TTLL1: variants seen among roughly 807,000 people sequenced by gnomAD.
TTLL1 encodes polyglutamylase complex subunit TTLL1.
Under a neutral mutation model 47.8 loss-of-function variants are expected in TTLL1, and 33 were observed. That is an observed-to-expected ratio of 0.69 (90% CI 0.52 to 0.92). The LOEUF is 0.92. TTLL1 is among the 40% of genes least tolerant of loss of function. The probability of loss-of-function intolerance (pLI) is 0.00; values close to 1 mark genes in which losing one functional copy is unlikely to be tolerated. For missense variants in TTLL1, 488 were observed against 547.5 expected (o/e 0.89, Z 1.08); for synonymous variants, 225 against 214.1 (o/e 1.05, Z -0.45).
At chr22:43,061,593 G>A (rs987437719) in intron 7 of TTLL1, among the ~76,000 whole-genome samples, 1 of 152,194 alleles carries the variant, frequency 6.6e-6, no homozygotes, top group Non-Finnish European at 1.5e-5. Context: ...ATCAAAGAAG[G>A]AGTCTTTCAT....
intron 2 of TTLL1, among the ~76,000 whole-genome samples, chr22:43,076,615 G>C (rs975304845): frequency 6.6e-6 from 1 of 151,630 alleles, no homozygotes; most frequent in African/African-American, 2.4e-5. Context: ...GCCAGGCATG[G>C]TGGCATGCGC....
chr22:43,086,311 T>A (rs1275626844), intron 1 of TTLL1, among the ~76,000 whole-genome samples: 1 of 152,046 alleles, frequency 6.6e-6, no homozygotes, highest in Non-Finnish European at 1.5e-5. Context: ...ACAATTGGAG[T>A]TGGGGCTGTC....
intron 2 of TTLL1, among the ~76,000 whole-genome samples, chr22:43,076,695 G>A (rs946942734): frequency 6.6e-6 from 1 of 151,564 alleles, no homozygotes; most frequent in Non-Finnish European, 1.5e-5. Flanking sequence ...AGGTTGCAGT[G>A]GGCAGAGATT....
At chr22:43,050,554 C>G (rs1481881179) in intron 9 of TTLL1, among the ~76,000 whole-genome samples, 1 of 150,734 alleles carries the variant, frequency 6.6e-6, no homozygotes. Flanking sequence ...AAAGTCTCTC[C>G]TCTGTCACCC....
At chr22:43,054,251 G>A (rs189190504) in intron 8 of TTLL1, among the ~76,000 whole-genome samples, 5 of 152,272 alleles carry the variant, frequency 3.3e-5, no homozygotes, top group Admixed American at 1.3e-4. Context: ...TGGGGCACTC[G>A]GCCCCTAAGA....
chr22:43,078,763 T>C (rs556630115), intron 2 of TTLL1, among the ~76,000 whole-genome samples: 1 of 152,122 alleles, frequency 6.6e-6, no homozygotes, highest in East Asian at 1.9e-4. Context: ...TGATCCGATA[T>C]GGTGCACGTG....
At chr22:43,070,907 G>T (rs1928076860) in intron 3 of TTLL1, among the ~76,000 whole-genome samples, 1 of 152,046 alleles carries the variant, frequency 6.6e-6, no homozygotes, top group Non-Finnish European at 1.5e-5. Context: ...CAATATGTAT[G>T]TATGTATGTA....
At chr22:43,070,522 C>G (rs898714627) in intron 3 of TTLL1, among the ~76,000 whole-genome samples, 5 of 152,070 alleles carry the variant, frequency 3.3e-5, no homozygotes, top group African/African-American at 1.2e-4. Flanking sequence ...GGTCCCTGTG[C>G]CCCCAGCCTA....
At chr22:43,055,318 C>T (rs979440788) in intron 8 of TTLL1, among the ~76,000 whole-genome samples, 2 of 151,548 alleles carry the variant, frequency 1.3e-5, no homozygotes, top group Non-Finnish European at 2.9e-5. Context: ...TGCCTGGCCA[C>T]GTCTGTCTAT....
At chr22:43,051,959 C>T in intron 8 of TTLL1, 72 bp from the exon 9 acceptor site, 1 of 1,455,048 alleles carries the variant, frequency 6.9e-7, no homozygotes, top group South Asian at 1.1e-5. Context: ...GCCACAGAGA[C>T]AAGCAGGATC....
Position 43,089,366 on chromosome 22 carries a change from G to C in TTLL1, c.-179C>G, listed in dbSNP as rs1313205927. On this transcript the variant is annotated 5_prime_UTR_variant, in exon 1 of 11. Coordinates refer to ENST00000266254, the MANE Select transcript of TTLL1 (RefSeq NM_012263.5). Reference sequence around the variant, plus strand: ...TCGCCCCGCCTCCAGCCCCTCTCCGGCGCTCGCAGGAGTACGCAGCCGACT... The same window carrying C: ...TCGCCCCGCCTCCAGCCCCTCTCCGCCGCTCGCAGGAGTACGCAGCCGACT... The C allele has an allele frequency of 1.3e-5, 2 of 152,430 alleles. No homozygotes were observed. Among genetic ancestry groups the C allele is most frequent in the African/African-American group, 4.8e-5 (2 of 41,432 alleles). 9.4% of individuals were successfully genotyped at this position (152,430 alleles called of 1,614,324 possible).
intron 7 of TTLL1, among the ~76,000 whole-genome samples, chr22:43,059,864 A>G (rs1423215869): frequency 1.3e-5 from 2 of 151,984 alleles, no homozygotes; most frequent in Non-Finnish European, 2.9e-5. Context: ...TAATTTTTAA[A>G]TTTTTTGTAG....
At chr22:43,075,732 C>T in intron 2 of TTLL1, 142 bp from the exon 3 acceptor site, 1 of 721,950 alleles carries the variant, frequency 1.4e-6, no homozygotes, top group South Asian at 1.7e-5. Flanking sequence ...ATTCCATCTC[C>T]CAGGGGACAC....
intron 10 of TTLL1, among the ~76,000 whole-genome samples, chr22:43,043,130 G>T (rs539656421): frequency 6.6e-6 from 1 of 151,738 alleles, no homozygotes; most frequent in Non-Finnish European, 1.5e-5. Flanking sequence ...TAGCAGAGAC[G>T]GGATTTCACC....
chr22:43,046,286 T>C, intron 10 of TTLL1, 124 bp downstream of exon 10: 1 of 1,012,734 alleles, frequency 9.9e-7, no homozygotes, highest in Admixed American at 2.2e-5. Context: ...CATCATGTCA[T>C]TAGTAAATGA....
rs148980685 is a variant in TTLL1 at position 43,084,962 on chromosome 22, C to CTTTT, written c.-90+4311_-90+4314dup. On this transcript the variant is annotated intron_variant, in intron 1 of 10. Coordinates refer to ENST00000266254, the MANE Select transcript of TTLL1 (RefSeq NM_012263.5). ...CATCATTAAGAACAAAAGCTGCCACCTTTTTTTTTTTTTTTTTTTTTTTGA... is the reference window on the plus strand; with the variant it reads ...CATCATTAAGAACAAAAGCTGCCACCTTTTTTTTTTTTTTTTTTTTTTTTTTTGA... Among the ~76,000 whole-genome samples the CTTTT allele has an allele frequency of 2.6e-4, 29 of 112,748 alleles. 1 individual carries two copies. The highest frequency in any genetic ancestry group is 8.2e-4 in the African/African-American group (22 of 26,882). The allele number at this position is 112,748 out of a possible 152,430, so 74.0% of individuals were successfully genotyped here.
chr22:43,063,023 T>C (rs1351397668), intron 7 of TTLL1, among the ~76,000 whole-genome samples: 1 of 152,106 alleles, frequency 6.6e-6, no homozygotes, highest in African/African-American at 2.4e-5. Flanking sequence ...AACCAAACGG[T>C]TGCATGTGTA....
At chr22:43,044,628 G>C (rs1359251258) in intron 10 of TTLL1, among the ~76,000 whole-genome samples, 1 of 152,150 alleles carries the variant, frequency 6.6e-6, no homozygotes, top group East Asian at 1.9e-4. Flanking sequence ...ACTGCCGTCT[G>C]CTTCCCTCTC....
At chr22:43,039,970 G>A (rs1342869838) in intron 10 of TTLL1, 65 bp from the exon 11 acceptor site, 11 of 1,562,624 alleles carry the variant, frequency 7.0e-6, no homozygotes, top group Admixed American at 1.8e-5. Context: ...AGGGCCACCA[G>A]GCTGCTGTGT....
Sources: allele counts gnomAD v4.1 joint callset (sites outside exome capture counted in the v4.1 genomes callset), GRCh38; gene constraint gnomAD v4.1.1; transcripts MANE v1.5; gene names NCBI Gene and HGNC (gene_info 2026-07-23, HGNC 2026-07-21).